RBFOX1: variants seen among roughly 807,000 people sequenced by gnomAD.
RBFOX1 encodes RNA binding protein fox-1 homolog 1.
Under a neutral mutation model 57.7 loss-of-function variants are expected in RBFOX1, and 8 were observed. The observed-to-expected ratio is 0.14, with a 90% CI of 0.08 to 0.25. The LOEUF (loss-of-function observed/expected upper bound fraction) is 0.25, where lower values mean the gene tolerates loss of function less well. Among genes scored for constraint, RBFOX1 ranks in the 10% least tolerant of loss-of-function variants. The pLI, the probability that RBFOX1 is intolerant of heterozygous loss-of-function variation, is 1.00. For synonymous variants in RBFOX1, 326 were observed against 222.4 expected (o/e 1.47, Z -4.15); for missense variants, 611 against 548.5 (o/e 1.11, Z -1.14).
chr16:7,307,248 T>C (rs2096211573), intron 4 of RBFOX1, among the ~76,000 whole-genome samples: 1 of 152,226 alleles, frequency 6.6e-6, no homozygotes, highest in South Asian at 2.1e-4. Flanking sequence ...TGCAGTTTCA[T>C]ATGGTTATTT....
chr16:6,905,858 C>T (rs751739589), intron 3 of RBFOX1, among the ~76,000 whole-genome samples: 1 of 152,218 alleles, frequency 6.6e-6, no homozygotes, highest in Admixed American at 6.5e-5. Context: ...TGTTTATTCC[C>T]TGGCCCTCTG....
At chr16:6,276,844 C>T (rs1307799151) in intron 1 of RBFOX1, among the ~76,000 whole-genome samples, 4 of 150,916 alleles carry the variant, frequency 2.7e-5, no homozygotes, top group South Asian at 4.2e-4. Context: ...AACTATGCTC[C>T]TTCCAGGAAT....
intron 2 of RBFOX1, among the ~76,000 whole-genome samples, chr16:6,491,111 G>C (rs954688790): frequency 2.0e-5 from 3 of 151,872 alleles, no homozygotes; most frequent in Admixed American, 6.6e-5. Flanking sequence ...TGTATATATA[G>C]TTATATCTAT....
intron 4 of RBFOX1, among the ~76,000 whole-genome samples, chr16:7,311,203 C>G (rs2096298414): frequency 1.3e-5 from 2 of 152,166 alleles, no homozygotes; most frequent in Admixed American, 1.3e-4. Context: ...CTGCTGTGGT[C>G]CTTAGCACTC....
intron 2 of RBFOX1, among the ~76,000 whole-genome samples, chr16:5,468,937 G>C (rs1228764377): frequency 6.6e-6 from 1 of 152,178 alleles, no homozygotes; most frequent in African/African-American, 2.4e-5. Flanking sequence ...TAGCTTCTGG[G>C]GCTGGGAACT....
chr16:6,467,698 T>C (rs1439163676), intron 2 of RBFOX1, among the ~76,000 whole-genome samples: 2 of 152,210 alleles, frequency 1.3e-5, no homozygotes, highest in South Asian at 2.1e-4. Flanking sequence ...TCATCCTGTG[T>C]GATATGCCAC....
chr16:6,244,871 G>C (rs2097560633), intron 1 of RBFOX1, among the ~76,000 whole-genome samples: 1 of 152,158 alleles, frequency 6.6e-6, no homozygotes, highest in Non-Finnish European at 1.5e-5. Context: ...TGTCTCTCCT[G>C]CTGGTCTGTT....
intron 1 of RBFOX1, among the ~76,000 whole-genome samples, chr16:5,294,002 G>A (rs185241085): frequency 2.0e-4 from 30 of 152,324 alleles, no homozygotes; most frequent in African/African-American, 3.8e-4. Context: ...GCCAAGGCGG[G>A]TAGAACACCT....
chr16:5,381,255 C>G (rs890655547), intron 1 of RBFOX1, among the ~76,000 whole-genome samples: 1 of 152,244 alleles, frequency 6.6e-6, no homozygotes, highest in African/African-American at 2.4e-5. Context: ...GAGTCATCAT[C>G]ACATCCATGC....
intron 3 of RBFOX1, among the ~76,000 whole-genome samples, chr16:6,801,739 C>G (rs1020481547): frequency 6.6e-6 from 1 of 152,098 alleles, no homozygotes; most frequent in Non-Finnish European, 1.5e-5. Context: ...GTTTTTATTT[C>G]TGTAACCAGT....
chr16:6,612,115 G>T (rs539878462), intron 2 of RBFOX1, among the ~76,000 whole-genome samples: 25 of 152,218 alleles, frequency 1.6e-4, no homozygotes, highest in African/African-American at 6.0e-4. Flanking sequence ...GGTACATGAT[G>T]CATCTAGGGA....
At chr16:7,657,489 G>A (rs188004283) in intron 12 of RBFOX1, among the ~76,000 whole-genome samples, 20 of 152,286 alleles carry the variant, frequency 1.3e-4, no homozygotes, top group African/African-American at 4.6e-4. Flanking sequence ...ATTTTTAATA[G>A]AGATGGGGTT....
intron 12 of RBFOX1, chr16:7,664,721 T>C: frequency 1.3e-6 from 1 of 787,200 alleles, no homozygotes; most frequent in Non-Finnish European, 2.0e-6. Context: ...CACATCCTAA[T>C]TCTGGGCCAA....
chr16:5,442,812 A>G (rs913655709), intron 1 of RBFOX1, among the ~76,000 whole-genome samples: 1 of 152,184 alleles, frequency 6.6e-6, no homozygotes, highest in African/African-American at 2.4e-5. Context: ...CTTCCCTGCC[A>G]AATTCATGTC....
intron 1 of RBFOX1, among the ~76,000 whole-genome samples, chr16:5,429,864 T>C (rs1432317983): frequency 6.6e-6 from 1 of 152,194 alleles, no homozygotes; most frequent in Non-Finnish European, 1.5e-5. Flanking sequence ...TGTCAGTGAA[T>C]GAAACAGTCC....
At chr16:5,366,937 G>A (rs913592180) in intron 1 of RBFOX1, among the ~76,000 whole-genome samples, 4 of 152,190 alleles carry the variant, frequency 2.6e-5, no homozygotes, top group African/African-American at 9.7e-5. Context: ...AGTAATAGCA[G>A]TGGTCAGACA....
At chr16:7,297,247 G>C (rs1248551654) in intron 4 of RBFOX1, among the ~76,000 whole-genome samples, 1 of 152,184 alleles carries the variant, frequency 6.6e-6, no homozygotes, top group Admixed American at 6.5e-5. Flanking sequence ...TGTGAGGCTT[G>C]ATGTAAAGAC....
intron 1 of RBFOX1, among the ~76,000 whole-genome samples, chr16:5,374,889 A>G (rs531988920): frequency 3.6e-4 from 55 of 152,188 alleles, no homozygotes; most frequent in African/African-American, 1.3e-3. Flanking sequence ...CCTGTATAAT[A>G]TACTCAGTTT....
chr16:7,557,728 C>T (rs1328413581), intron 5 of RBFOX1, among the ~76,000 whole-genome samples: 1 of 144,990 alleles, frequency 6.9e-6, no homozygotes, highest in Admixed American at 7.0e-5. Flanking sequence ...TTGTTACAAA[C>T]ACATATTGCT....
Sources: gnomAD v4.1 joint callset for allele counts (sites outside exome capture counted in the v4.1 genomes callset) on GRCh38, gnomAD v4.1.1 for gene constraint, MANE v1.5 for transcripts, NCBI Gene and HGNC (gene_info 2026-07-23, HGNC 2026-07-21) for gene names.